LY9: variants seen among roughly 807,000 people sequenced by gnomAD.
The protein encoded by LY9 is lymphocyte antigen 9, also known as T-lymphocyte surface antigen Ly-9.
LY9 carries 59 observed loss-of-function variants against 64.6 expected under a neutral mutation model. The ratio of observed to expected loss-of-function variants is 0.91; its 90% CI spans 0.74 to 1.13. LY9 has a LOEUF of 1.13. LY9 is among the 50% of genes most tolerant of loss of function. The pLI, the probability that LY9 is intolerant of heterozygous loss-of-function variation, is 0.00. For synonymous variants in LY9, 281 were observed against 308.5 expected (o/e 0.91, Z 0.93); for missense variants, 789 against 797.2 (o/e 0.99, Z 0.12).
chr1:160,797,166 A>G, intron 1 of LY9: 1 of 985,504 alleles, frequency 1.0e-6, no homozygotes, highest in South Asian at 4.7e-5. Context: ...ACTGTCCAGC[A>G]GATAGAGCCA....
intron 8 of LY9, 56 bp from the exon 9 acceptor site, chr1:160,824,125 A>T (rs1250250216): frequency 1.9e-6 from 3 of 1,610,356 alleles, no homozygotes; most frequent in Non-Finnish European, 2.5e-6. Context: ...GTTGAGGGTA[A>T]AACTGAAAAG....
Position 160,813,632 on chromosome 1 carries a change from G to T in LY9, c.455-4G>T, listed in dbSNP as rs942725145. On this transcript the variant is annotated splice_polypyrimidine_tract_variant and splice_region_variant and intron_variant, in intron 2 of 9. Transcript: ENST00000263285. ...AGCATCTTCCCATGCTGTTGTCCCTGCAGAGCAGCTGCAGGAGCCCCAAGT... is the reference window on the plus strand; with the variant it reads ...AGCATCTTCCCATGCTGTTGTCCCTTCAGAGCAGCTGCAGGAGCCCCAAGT... The T allele has an allele frequency of 3.1e-6, 5 of 1,612,392 alleles. No homozygotes were observed. The South Asian group carries it at 4.4e-5, about 14-fold the overall frequency.
intron 7 of LY9, 40 bp downstream of exon 7, chr1:160,819,414 C>T (rs767040574): frequency 1.3e-6 from 2 of 1,527,694 alleles, no homozygotes; most frequent in Non-Finnish European, 1.8e-6. Flanking sequence ...GTATCTGGTC[C>T]AAATGGAAGT....
At chr1:160,815,233 T>C (rs1400940896) in intron 4 of LY9, 1 of 156,452 alleles carries the variant, frequency 6.4e-6, no homozygotes, top group East Asian at 1.9e-4. Flanking sequence ...CAAGCTACTC[T>C]AGAGGCTGAG....
At chr1:160,801,663 T>C (rs965872276) in intron 2 of LY9, 43 of 697,262 alleles carry the variant, frequency 6.2e-5, no homozygotes, top group Middle Eastern at 4.1e-4. Context: ...CTAGGTTTTC[T>C]TCTAGTATTT....
intron 7 of LY9, among the ~76,000 whole-genome samples, chr1:160,821,900 T>TA (rs1430963995): frequency 6.6e-6 from 1 of 152,250 alleles, no homozygotes; most frequent in African/African-American, 2.4e-5. Flanking sequence ...CCCTACCACT[T>TA]ACTCGGGAAA....
intron 3 of LY9, 128 bp from the exon 4 acceptor site, chr1:160,814,292 G>C: frequency 1.4e-6 from 1 of 723,920 alleles, no homozygotes; most frequent in Non-Finnish European, 2.4e-6. Context: ...ATGCCCCTCA[G>C]AGGAGGAGGC....
intron 9 of LY9, among the ~76,000 whole-genome samples, chr1:160,825,363 TC>T (rs1668795756): frequency 6.6e-6 from 1 of 152,200 alleles, no homozygotes; most frequent in South Asian, 2.1e-4. Context: ...AGTGTTGTCA[TC>T]CACATTTTAT....
chr1:160,814,214 G>C (rs1004200658), intron 3 of LY9, among the ~76,000 whole-genome samples: 3 of 152,166 alleles, frequency 2.0e-5, no homozygotes, highest in African/African-American at 7.2e-5. Context: ...GCAGAGAGGG[G>C]ACATGAGAGT....
intron 2 of LY9, chr1:160,810,633 T>G (rs1042037920): frequency 1.3e-5 from 2 of 152,200 alleles, no homozygotes; most frequent in African/African-American, 4.8e-5. Flanking sequence ...AATTCAGCCC[T>G]AACATTCTAC....
intron 5 of LY9, 109 bp downstream of exon 5, chr1:160,816,972 CT>C: frequency 1.9e-6 from 2 of 1,060,426 alleles, no homozygotes; most frequent in Non-Finnish European, 2.8e-6. Context: ...GGTGAGAGCC[CT>C]TTAGAGTGGC....
chr1:160,798,899 G>C (rs917164898), intron 1 of LY9: 13 of 152,052 alleles, frequency 8.5e-5, no homozygotes, highest in African/African-American at 3.1e-4. Flanking sequence ...CCAGAGCCTC[G>C]GAAGCCCTGG....
intron 9 of LY9, among the ~76,000 whole-genome samples, chr1:160,826,619 G>A (rs1668867185): frequency 6.6e-6 from 1 of 152,202 alleles, no homozygotes; most frequent in African/African-American, 2.4e-5. Flanking sequence ...GAAGCTGAAG[G>A]TGGGGGATAT....
chr1:160,809,081 A>G (rs558378616), intron 2 of LY9, among the ~76,000 whole-genome samples: 23 of 152,240 alleles, frequency 1.5e-4, no homozygotes, highest in African/African-American at 5.5e-4. Flanking sequence ...GCTGCAATGA[A>G]TATTCTTGTG....
chr1:160,800,037 A>C lies in LY9; in HGVS notation c.409A>C (p.Asn137His). 6.2e-7 allele frequency: 1 copy of C among 1,614,152 alleles called. No individual in the cohort carries two copies. Residue 137 changes from asparagine to histidine, a missense_variant, in exon 2 of 10, where the codon AAT becomes CAT. Transcript: ENST00000263285. ...CTACAAAGCCCAGATAAACCAAAGG[A>C]ATTTTGAAGTCACCACTGAGGAGGA... is the stretch of plus-strand genomic sequence containing the variant. Reference protein sequence around the residue: ...GSYKAQINQRNFEVTTEEEFT... With the variant: ...GSYKAQINQRHFEVTTEEEFT...
Position 160,827,799 on chromosome 1 carries a change from T to C in LY9, c.1951T>C (p.Tyr651His). Residue 651 changes from tyrosine to histidine, a missense_variant, in exon 10 of 10, where the codon TAT becomes CAT. Transcript: ENST00000263285. ...TCTTGAGATTCCTGAAAGTCCTACC[T>C]ATGAAAATTTCACCTGAAAGGAAAA... ...NDLEIPESPT[Y>H]ENFT 3.1e-6 allele frequency: 5 copies of C among 1,607,436 alleles called. No individual in the cohort carries two copies. The highest frequency in any genetic ancestry group is 4.2e-6 in the Non-Finnish European group (5 of 1,177,114).
At chr1:160,820,458 A>G (rs492874) in intron 7 of LY9, among the ~76,000 whole-genome samples, 88,600 of 151,722 alleles carry the variant, frequency 0.58, 26,524 homozygotes, top group South Asian at 0.75. Flanking sequence ...GTCACCCCTC[A>G]TGGCAGGGAT....
intron 2 of LY9, among the ~76,000 whole-genome samples, chr1:160,801,002 G>T (rs1666419391): frequency 6.6e-6 from 1 of 152,160 alleles, no homozygotes; most frequent in African/African-American, 2.4e-5. Flanking sequence ...TTGCTATTGA[G>T]AATAGTGCTG....
chr1:160,821,475 ATTTG>A (rs994452986), intron 7 of LY9, among the ~76,000 whole-genome samples: 7 of 152,198 alleles, frequency 4.6e-5, no homozygotes, highest in Admixed American at 3.9e-4. Flanking sequence ...CATTCTACAC[ATTTG>A]TTTAACTAAT....
Sources: allele counts gnomAD v4.1 joint callset (sites outside exome capture counted in the v4.1 genomes callset), GRCh38; gene constraint gnomAD v4.1.1; transcripts MANE v1.5; gene names NCBI Gene and HGNC (gene_info 2026-07-23, HGNC 2026-07-21).